The following DLGAP2 variants were observed in gnomAD, a reference collection of about 807,000 sequenced individuals.
DLGAP2 encodes disks large-associated protein 2.
In DLGAP2, 26 loss-of-function variants were observed where a neutral mutation model predicts 100.3. The observed-to-expected ratio is 0.26, with a 90% CI of 0.19 to 0.36. The LOEUF is 0.36. Among genes scored for constraint, DLGAP2 ranks in the 10% least tolerant of loss-of-function variants. DLGAP2 has a pLI of 1.00. For synonymous variants in DLGAP2, 886 were observed against 630.1 expected (o/e 1.41, Z -6.08); for missense variants, 1,858 against 1,453.2 (o/e 1.28, Z -4.53).
chr8:971,336 C>T (rs899141559), intron 2 of DLGAP2, among the ~76,000 whole-genome samples: 2 of 152,164 alleles, frequency 1.3e-5, no homozygotes, highest in African/African-American at 2.4e-5. Flanking sequence ...CTGTTATCCT[C>T]CTCACAAGAG....
At chr8:1,441,135 G>C (rs1043931077) in intron 3 of DLGAP2, among the ~76,000 whole-genome samples, 1 of 152,118 alleles carries the variant, frequency 6.6e-6, no homozygotes, top group Non-Finnish European at 1.5e-5. Context: ...TTTTGAGGAA[G>C]TATTATCTAA....
intron 2 of DLGAP2, among the ~76,000 whole-genome samples, chr8:982,883 A>AC (rs1554458885): frequency 8.5e-6 from 1 of 117,336 alleles, no homozygotes; most frequent in Non-Finnish European, 1.7e-5. Context: ...TAAAGGTAGG[A>AC]TTTTTTTTTT....
intron 3 of DLGAP2, among the ~76,000 whole-genome samples, chr8:1,329,321 A>G (rs1801095701): frequency 6.6e-6 from 1 of 152,192 alleles, no homozygotes; most frequent in African/African-American, 2.4e-5. Flanking sequence ...CATTCCTGAA[A>G]TTTCTGGCTG....
intron 2 of DLGAP2, among the ~76,000 whole-genome samples, chr8:1,145,999 AT>A (rs1046992884): frequency 9.9e-5 from 15 of 151,722 alleles, no homozygotes; most frequent in African/African-American, 3.4e-4. Flanking sequence ...ACATTTTCTT[AT>A]GTATTCTGTT....
At chr8:1,134,347 C>G (rs1423060483) in intron 2 of DLGAP2, among the ~76,000 whole-genome samples, 2 of 151,940 alleles carry the variant, frequency 1.3e-5, no homozygotes, top group East Asian at 1.9e-4. Flanking sequence ...GGGTTTATAC[C>G]CAGTCATGGG....
chr8:1,274,817 C>T (rs763427940), intron 3 of DLGAP2, among the ~76,000 whole-genome samples: 47 of 146,964 alleles, frequency 3.2e-4, no homozygotes, highest in Non-Finnish European at 5.6e-4. Context: ...CAAAAGGAGG[C>T]AAGAAACCCT....
chr8:864,129 C>T (rs913663367), intron 1 of DLGAP2, among the ~76,000 whole-genome samples: 9 of 152,120 alleles, frequency 5.9e-5, no homozygotes, highest in African/African-American at 1.9e-4. Flanking sequence ...CCCACTCGTG[C>T]AGAATCTCAG....
At chr8:1,267,930 C>A (rs11774790) in intron 3 of DLGAP2, among the ~76,000 whole-genome samples, 4,721 of 152,234 alleles carry the variant, frequency 0.031, 93 homozygotes, top group Middle Eastern at 0.058. Context: ...AAGCTGGCTT[C>A]ATGGATGTCT....
intron 6 of DLGAP2, among the ~76,000 whole-genome samples, chr8:1,602,586 C>T (rs892291987): frequency 2.0e-5 from 3 of 152,232 alleles, no homozygotes; most frequent in Admixed American, 6.5e-5. Context: ...TCATTCAGAC[C>T]GTCCCAGGCA....
At chr8:935,208 C>G (rs1036793699) in intron 2 of DLGAP2, among the ~76,000 whole-genome samples, 2 of 152,330 alleles carry the variant, frequency 1.3e-5, no homozygotes, top group African/African-American at 4.8e-5. Flanking sequence ...GGGCGTCTCT[C>G]TTCCTTCCCG....
chr8:749,868 C>T (rs543139506), intron 1 of DLGAP2, among the ~76,000 whole-genome samples: 1 of 152,190 alleles, frequency 6.6e-6, no homozygotes, highest in Non-Finnish European at 1.5e-5. Context: ...GGGTCCCCTC[C>T]TCTCCTGGCT....
intron 6 of DLGAP2, among the ~76,000 whole-genome samples, chr8:1,603,804 C>G (rs2130710694): frequency 6.6e-6 from 1 of 152,304 alleles, no homozygotes; most frequent in Non-Finnish European, 1.5e-5. Context: ...CTGCAGGCTT[C>G]TAAACCTGAC....
At chr8:764,523 G>C (rs570187491) in intron 1 of DLGAP2, among the ~76,000 whole-genome samples, 81 of 152,332 alleles carry the variant, frequency 5.3e-4, no homozygotes, top group African/African-American at 1.9e-3. Flanking sequence ...AATACCTGTG[G>C]TGGAGCCCAC....
chr8:1,154,406 C>T (rs556857469), intron 2 of DLGAP2, among the ~76,000 whole-genome samples: 86 of 151,856 alleles, frequency 5.7e-4, no homozygotes, highest in African/African-American at 2.0e-3. Flanking sequence ...TCCAGATGCC[C>T]CTCTCTTCCA....
intron 2 of DLGAP2, among the ~76,000 whole-genome samples, chr8:1,077,982 C>G (rs1803678177): frequency 6.6e-6 from 1 of 152,208 alleles, no homozygotes; most frequent in South Asian, 2.1e-4. Context: ...ACGCCATGTC[C>G]TCTGTGGCTG....
intron 3 of DLGAP2, among the ~76,000 whole-genome samples, chr8:1,427,369 CAA>C (rs1350562836): frequency 1.3e-5 from 2 of 152,098 alleles, no homozygotes; most frequent in Admixed American, 1.3e-4. Context: ...AAGCATAACC[CAA>C]AGAGTAACAA....
At chr8:1,257,821 A>G (rs1585200159) in intron 2 of DLGAP2, among the ~76,000 whole-genome samples, 2 of 152,212 alleles carry the variant, frequency 1.3e-5, no homozygotes, top group Non-Finnish European at 2.9e-5. Context: ...TCTGACGCAC[A>G]TGCTCATTCC....
At position 1,705,470 on chromosome 8, in the gene DLGAP2, C is replaced by G. The variant is rs771601310; in HGVS notation, c.*4064C>G. Reference sequence around the variant, plus strand: ...CCACCCTTGATGACAGGGCCCCCCACGAACCTGGGAAAGGCAGCGGGAAAT... The same window carrying G: ...CCACCCTTGATGACAGGGCCCCCCAGGAACCTGGGAAAGGCAGCGGGAAAT... On this transcript the variant is annotated 3_prime_UTR_variant, in exon 15 of 15. Coordinates refer to ENST00000637795, the MANE Select transcript of DLGAP2 (RefSeq NM_001346810.2). The G allele has an allele frequency of 6.6e-6, 1 of 152,304 alleles. No homozygotes were observed. The highest frequency in any genetic ancestry group is 1.5e-5 in the Non-Finnish European group (1 of 68,110). 9.4% of individuals were successfully genotyped at this position (152,304 alleles called of 1,614,324 possible).
At chr8:980,230 A>G (rs1280477378) in intron 2 of DLGAP2, among the ~76,000 whole-genome samples, 2 of 152,208 alleles carry the variant, frequency 1.3e-5, no homozygotes, top group Non-Finnish European at 2.9e-5. Flanking sequence ...CATTGTAGCC[A>G]AAGAAACGGG....
Sources: allele counts gnomAD v4.1 joint callset (sites outside exome capture counted in the v4.1 genomes callset), GRCh38; gene constraint gnomAD v4.1.1; transcripts MANE v1.5; gene names NCBI Gene and HGNC (gene_info 2026-07-23, HGNC 2026-07-21).